The following NDRG4 variants were observed in gnomAD, a reference collection of about 807,000 sequenced individuals.
NDRG4 encodes NDRG family member 4, also known as protein NDRG4.
Under a neutral mutation model 55.8 loss-of-function variants are expected in NDRG4, and 38 were observed. That is an observed-to-expected ratio of 0.68 (90% CI 0.53 to 0.89). The LOEUF (loss-of-function observed/expected upper bound fraction) is 0.89, where lower values mean the gene tolerates loss of function less well. NDRG4 is among the 40% of genes least tolerant of loss of function. NDRG4 has a pLI of 0.00. For synonymous variants in NDRG4, 190 were observed against 182.7 expected (o/e 1.04, Z -0.32); for missense variants, 455 against 468.6 (o/e 0.97, Z 0.27).
chr16:58,503,118 A>T (rs1597287520), intron 1 of NDRG4, among the ~76,000 whole-genome samples: 1 of 152,212 alleles, frequency 6.6e-6, no homozygotes, highest in African/African-American at 2.4e-5. Flanking sequence ...GGAAGTAATG[A>T]CCTTGAGCAG....
intron 5 of NDRG4, 146 bp from the exon 6 acceptor site, chr16:58,506,241 G>T (rs761289684): frequency 5.2e-6 from 4 of 764,018 alleles, no homozygotes; most frequent in Non-Finnish European, 9.3e-6. Flanking sequence ...AGGAGGACAG[G>T]CAGGGGCATC....
chr16:58,485,944 C>T (rs1249902772), intron 1 of NDRG4, among the ~76,000 whole-genome samples: 1 of 152,006 alleles, frequency 6.6e-6, no homozygotes, highest in Non-Finnish European at 1.5e-5. Context: ...TATTTGTTGC[C>T]ATCTCTGGTT....
chr16:58,477,120 GATATATATGTGAT>G (rs963623121), intron 1 of NDRG4, among the ~76,000 whole-genome samples: 2 of 150,228 alleles, frequency 1.3e-5, no homozygotes, highest in African/African-American at 4.9e-5. Flanking sequence ...CCATATATAT[GATATATATGTGAT>G]ATATATATGT....
chr16:58,509,214 T>TTACATC (rs757000865), intron 12 of NDRG4, 25 bp downstream of exon 12: 1 of 1,613,842 alleles, frequency 6.2e-7, no homozygotes, highest in Non-Finnish European at 8.5e-7. Context: ...CCTCCTGCCC[T>TTACATC]TACATCTATG....
intron 13 of NDRG4, among the ~76,000 whole-genome samples, chr16:58,510,428 C>A (rs772191880): frequency 2.0e-5 from 3 of 152,206 alleles, no homozygotes; most frequent in Admixed American, 6.5e-5. Context: ...CCTGTCAGGG[C>A]TTCCTTGGGC....
At chr16:58,496,671 G>T (rs1379982268), upstream of NDRG4, among the ~76,000 whole-genome samples, 1 of 152,124 alleles carries the variant, frequency 6.6e-6, no homozygotes, top group East Asian at 1.9e-4. Flanking sequence ...CGCATTTTCA[G>T]GGAGACAGGC....
chr16:58,488,995 T>C (rs2035459595), intron 2 of NDRG4, among the ~76,000 whole-genome samples: 1 of 151,698 alleles, frequency 6.6e-6, no homozygotes, highest in South Asian at 2.1e-4. Context: ...CTTCGCTCTG[T>C]ACCCTTTTAA....
chr16:58,474,654 G>A (rs574135455), intron 1 of NDRG4, among the ~76,000 whole-genome samples: 9 of 152,160 alleles, frequency 5.9e-5, no homozygotes, highest in Admixed American at 2.6e-4. Flanking sequence ...GAAAGCTCCC[G>A]AAGGTAGATA....
intron 1 of NDRG4, among the ~76,000 whole-genome samples, chr16:58,466,086 G>A (rs1363635683): frequency 6.6e-6 from 1 of 152,166 alleles, no homozygotes; most frequent in Non-Finnish European, 1.5e-5. Flanking sequence ...GCACAGTCTC[G>A]GCTCCCTGCA....
At chr16:58,483,519 G>A (rs536077224) in intron 1 of NDRG4, among the ~76,000 whole-genome samples, 1 of 152,270 alleles carries the variant, frequency 6.6e-6, no homozygotes, top group East Asian at 1.9e-4. Flanking sequence ...TGCCCTTGAG[G>A]GGCCTCTTAC....
chr16:58,501,183 C>T, intron 1 of NDRG4: 1 of 671,352 alleles, frequency 1.5e-6, no homozygotes. Context: ...GATAGGTCAC[C>T]CCGCACGCAC....
chr16:58,481,457 C>T (rs767739643), intron 1 of NDRG4, among the ~76,000 whole-genome samples: 5 of 151,772 alleles, frequency 3.3e-5, no homozygotes, highest in South Asian at 4.2e-4. Context: ...GGGGTGCGTG[C>T]GTGTGTGTGT....
chr16:58,464,616 G>T lies in NDRG4; in HGVS notation c.-24+819G>T. The T allele has an allele frequency of 1.0e-6, 1 of 968,190 alleles. No homozygotes were observed. Among genetic ancestry groups the T allele is most frequent in the Non-Finnish European group, 1.4e-6 (1 of 731,278 alleles). 60.0% of individuals were successfully genotyped at this position (968,190 alleles called of 1,614,324 possible). Reference sequence around the variant, plus strand: ...CTAGTTTTGTGCTACCTGTTTGTGTGCGGAGCCCAGCCCCGGGAGAGGACT... The same window carrying T: ...CTAGTTTTGTGCTACCTGTTTGTGTTCGGAGCCCAGCCCCGGGAGAGGACT... On this transcript the variant is annotated intron_variant, in intron 1 of 15. Transcript: ENST00000258187. This position sits in a 1 kb window ranked among gnomAD's most constrained non-coding sequence, Gnocchi z 4.8.
At chr16:58,465,291 A>G (rs933014638) in intron 1 of NDRG4, 3 of 463,456 alleles carry the variant, frequency 6.5e-6, no homozygotes, top group Non-Finnish European at 8.4e-6. Context: ...CCAGGACCTT[A>G]ATGTCCGATG....
chr16:58,471,103 C>T (rs914204981), intron 1 of NDRG4, among the ~76,000 whole-genome samples: 6 of 150,924 alleles, frequency 4.0e-5, no homozygotes, highest in African/African-American at 1.5e-4. Flanking sequence ...AGGGAGACAG[C>T]TTACCAACAT....
intron 2 of NDRG4, among the ~76,000 whole-genome samples, chr16:58,492,288 C>T (rs1387520566): frequency 6.6e-6 from 1 of 152,092 alleles, no homozygotes; most frequent in African/African-American, 2.4e-5. Flanking sequence ...ACTCCTCTGC[C>T]TCCCTCAGCT....
chr16:58,467,221 T>G (rs1186297210), intron 1 of NDRG4, among the ~76,000 whole-genome samples: 4 of 152,214 alleles, frequency 2.6e-5, no homozygotes, highest in Non-Finnish European at 5.9e-5. Context: ...AAAACTCATA[T>G]TGAAGGCTGG....
At chr16:58,509,535 C>T (rs947859308) in intron 13 of NDRG4, 183 bp downstream of exon 13, 2 of 640,930 alleles carry the variant, frequency 3.1e-6, no homozygotes, top group African/African-American at 3.7e-5. Context: ...ACCTGAGTTG[C>T]AAGTTGGCCA....
intron 1 of NDRG4, among the ~76,000 whole-genome samples, chr16:58,471,267 G>A (rs1490391550): frequency 1.4e-5 from 2 of 142,040 alleles, no homozygotes; most frequent in Admixed American, 7.5e-5. Context: ...GCATGACCTC[G>A]GCGTGAATGT....
Sources: allele counts gnomAD v4.1 joint callset (sites outside exome capture counted in the v4.1 genomes callset), GRCh38; gene constraint gnomAD v4.1.1; non-coding constraint Gnocchi (gnomAD v3.1); transcripts MANE v1.5; gene names NCBI Gene and HGNC (gene_info 2026-07-23, HGNC 2026-07-21).